Variants in PTPRZ1 observed in about 807,000 individuals in gnomAD.
The protein encoded by PTPRZ1 is protein tyrosine phosphatase receptor type Z1, also known as receptor-type tyrosine-protein phosphatase zeta.
In PTPRZ1, 82 loss-of-function variants were observed where a neutral mutation model predicts 214.1. The observed-to-expected ratio is 0.38, with a 90% CI of 0.32 to 0.46. The LOEUF (loss-of-function observed/expected upper bound fraction) is 0.46. Among genes scored for constraint, PTPRZ1 ranks in the 20% least tolerant of loss-of-function variants. The probability of loss-of-function intolerance (pLI) is 1.00; values close to 1 mark genes in which losing one functional copy is unlikely to be tolerated. For missense variants in PTPRZ1, 2,603 were observed against 2,748.7 expected, an observed-to-expected ratio of 0.95 and a Z score of 1.19; for synonymous variants, 945 against 987.9, an observed-to-expected ratio of 0.96 and a Z score of 0.81.
chr7:122,044,315 C>G (rs1799816484), intron 22 of PTPRZ1, 107 bp from the exon 23 acceptor site: 106 of 1,310,704 alleles, frequency 8.1e-5, no homozygotes, highest in Non-Finnish European at 1.1e-4. Context: ...GGTCTTCCCC[C>G]ATTCTGTAAA....
At chr7:122,049,922 A>G (rs1182656821) in intron 23 of PTPRZ1, among the ~76,000 whole-genome samples, 2 of 152,210 alleles carry the variant, frequency 1.3e-5, no homozygotes, top group Admixed American at 6.5e-5. Context: ...GGAGGAATCT[A>G]GCAGAGGAAT....
intron 6 of PTPRZ1, among the ~76,000 whole-genome samples, chr7:121,979,136 G>A (rs1279990950): frequency 6.6e-6 from 1 of 151,824 alleles, no homozygotes; most frequent in African/African-American, 2.4e-5. Flanking sequence ...GCTGTGGGCT[G>A]GTTGCTCATT....
chr7:121,943,514 A>G (rs1241787712), intron 2 of PTPRZ1, among the ~76,000 whole-genome samples: 4 of 151,410 alleles, frequency 2.6e-5, no homozygotes, highest in African/African-American at 4.9e-5. Flanking sequence ...TTTTTTTTGT[A>G]TTTTTAGTAG....
At position 121,996,574 on chromosome 7, in the gene PTPRZ1, T is replaced by C. The variant is rs763985435; in HGVS notation, c.1113+8T>C. ...GATGGCTATCAAGACTTGGTAACTA[T>C]ATGATCAGTTGTTTTACATAGGGTA... On this transcript the variant is annotated splice_region_variant and intron_variant, in intron 9 of 29. Coordinates refer to ENST00000393386, the MANE Select transcript of PTPRZ1 (RefSeq NM_002851.3). 6.3e-7 allele frequency: 1 copy of C among 1,598,800 alleles called. No homozygotes were observed. The highest frequency in any genetic ancestry group is 1.3e-5 in the African/African-American group (1 of 74,500).
chr7:121,926,015 G>A (rs889376910), intron 1 of PTPRZ1, among the ~76,000 whole-genome samples: 2 of 152,098 alleles, frequency 1.3e-5, no homozygotes, highest in African/African-American at 4.8e-5. Flanking sequence ...AGTAGAGAAA[G>A]AATTACAAGC....
At chr7:121,949,331 C>T (rs1056633876) in intron 2 of PTPRZ1, among the ~76,000 whole-genome samples, 4 of 152,124 alleles carry the variant, frequency 2.6e-5, no homozygotes, top group African/African-American at 4.8e-5. Flanking sequence ...CTTGACTTTT[C>T]CCTTTAGTTT....
At chr7:121,904,676 A>G (rs1795067811) in intron 1 of PTPRZ1, among the ~76,000 whole-genome samples, 2 of 152,138 alleles carry the variant, frequency 1.3e-5, no homozygotes, top group Non-Finnish European at 2.9e-5. Context: ...AGATGGTCTT[A>G]TTTAGTAAGA....
chr7:121,884,285 CAT>C (rs1255554988), intron 1 of PTPRZ1, among the ~76,000 whole-genome samples: 4 of 151,782 alleles, frequency 2.6e-5, no homozygotes, highest in Admixed American at 1.3e-4. Flanking sequence ...TATATGGAAA[CAT>C]ATATGTATAT....
Position 122,055,066 on chromosome 7 carries a change from C to T in PTPRZ1, c.6507C>T (p.Asp2169=). Residue 2169 remains aspartate (D), a synonymous_variant, in exon 27 of 30, where the codon GAC becomes GAT. Transcript: ENST00000393386. ...LSNEEKLIIQ[D]FILEATQDDY... ...ATGAGGAAAAACTTATAATTCAGGA[C>T]TTTATCTTAGAAGCTACACAGGTAA... The T allele has an allele frequency of 6.3e-7, 1 of 1,587,492 alleles. No individual in the cohort carries two copies. Among genetic ancestry groups the T allele is most frequent in the Non-Finnish European group, 8.6e-7 (1 of 1,162,044 alleles).
intron 1 of PTPRZ1, among the ~76,000 whole-genome samples, chr7:121,907,906 G>T (rs1795164272): frequency 6.6e-6 from 1 of 151,968 alleles, no homozygotes; most frequent in Non-Finnish European, 1.5e-5. Flanking sequence ...GCCACCATTT[G>T]AAGGCTATAT....
At chr7:122,059,474 GTT>G (rs11409860) in intron 28 of PTPRZ1, 3 of 263,460 alleles carry the variant, frequency 1.1e-5, no homozygotes, top group Non-Finnish European at 2.1e-5. Context: ...ATACTCTCAG[GTT>G]TTTTTTATTA....
intron 1 of PTPRZ1, among the ~76,000 whole-genome samples, chr7:121,906,637 A>G (rs1284748072): frequency 6.6e-6 from 1 of 152,116 alleles, no homozygotes; most frequent in African/African-American, 2.4e-5. Context: ...GATTTGTTTG[A>G]AGGGGCTTGG....
Position 122,013,520 on chromosome 7 carries a change from T to C in PTPRZ1, c.4474T>C (p.Ser1492Pro), listed in dbSNP as rs148324779. 28 of 1,614,084 alleles carry C rather than the reference T, an allele frequency of 1.7e-5. No homozygotes were observed. The African/African-American group carries it at 3.6e-4, about 21-fold the overall frequency. Residue 1492 changes from serine to proline, a missense_variant, in exon 12 of 30, where the codon TCA (serine) becomes CCA (proline). Coordinates refer to ENST00000393386, the MANE Select transcript of PTPRZ1 (RefSeq NM_002851.3). Reference protein sequence around the residue: ...EEDNRVTSVSSDSQTGMDRSP... With the variant: ...EEDNRVTSVSPDSQTGMDRSP... Reference sequence around the variant, plus strand: ...AGATAATAGAGTCACAAGTGTATCCTCAGACAGTCAAACTGGTATGGACAG... The same window carrying C: ...AGATAATAGAGTCACAAGTGTATCCCCAGACAGTCAAACTGGTATGGACAG...
At chr7:122,034,224 T>C in intron 16 of PTPRZ1, 58 bp from the exon 17 acceptor site, 2 of 1,578,324 alleles carry the variant, frequency 1.3e-6, no homozygotes, top group Non-Finnish European at 1.7e-6. Context: ...TATTATATTT[T>C]AAGGCACGTT....
At chr7:121,914,675 T>G (rs1302516389) in intron 1 of PTPRZ1, among the ~76,000 whole-genome samples, 1 of 152,174 alleles carries the variant, frequency 6.6e-6, no homozygotes, top group Non-Finnish European at 1.5e-5. Flanking sequence ...TCCATGGTAT[T>G]TTAAAGACCA....
intron 1 of PTPRZ1, among the ~76,000 whole-genome samples, chr7:121,916,228 C>T (rs923835747): frequency 6.8e-6 from 1 of 146,516 alleles, no homozygotes; most frequent in African/African-American, 2.6e-5. Flanking sequence ...GAGCCGAGAT[C>T]GTGCCACTGC....
intron 6 of PTPRZ1, among the ~76,000 whole-genome samples, chr7:121,980,503 G>A (rs1456948847): frequency 6.6e-6 from 1 of 152,110 alleles, no homozygotes; most frequent in Non-Finnish European, 1.5e-5. Flanking sequence ...AGTTACTAAT[G>A]AATCCGTTAA....
chr7:121,938,107 A>G (rs1796140294), intron 2 of PTPRZ1, among the ~76,000 whole-genome samples: 2 of 152,252 alleles, frequency 1.3e-5, no homozygotes, highest in Middle Eastern at 3.4e-3. Flanking sequence ...ACTACTCTTA[A>G]TGTCTTCTGT....
At chr7:121,873,638 T>G in intron 1 of PTPRZ1, 81 bp downstream of exon 1, 2 of 1,513,482 alleles carry the variant, frequency 1.3e-6, no homozygotes, top group Non-Finnish European at 1.8e-6. Flanking sequence ...GTCCGCGACT[T>G]GCCGCCGCCG....
Sources: gnomAD v4.1 joint callset for allele counts (sites outside exome capture counted in the v4.1 genomes callset) on GRCh38, gnomAD v4.1.1 for gene constraint, MANE v1.5 for transcripts, NCBI Gene and HGNC (gene_info 2026-07-23, HGNC 2026-07-21) for gene names.